IL1RAPL2: variants seen among roughly 807,000 people sequenced by gnomAD.
IL1RAPL2 encodes the protein interleukin 1 receptor accessory protein like 2.
IL1RAPL2 carries 3 observed loss-of-function variants against 44.1 expected under a neutral mutation model. The observed-to-expected ratio is 0.07, with a 90% CI of 0.03 to 0.18. The LOEUF (loss-of-function observed/expected upper bound fraction) is 0.18. Among genes scored for constraint, IL1RAPL2 ranks in the 10% least tolerant of loss-of-function variants. IL1RAPL2 has a pLI of 1.00. For synonymous variants in IL1RAPL2, 181 were observed against 178.8 expected (o/e 1.01, Z -0.10); for missense variants, 391 against 496.4 (o/e 0.79, Z 2.02).
chrX:104,620,863 T>A (rs1929381102), intron 1 of IL1RAPL2, among the ~76,000 whole-genome samples: 1 of 104,461 alleles, frequency 9.6e-6, no homozygotes, highest in Non-Finnish European at 1.9e-5. Context: ...TCTCAAGAGA[T>A]TCTGCCTGGG....
chrX:105,263,592 G>A (rs1034354909), intron 4 of IL1RAPL2, among the ~76,000 whole-genome samples: 5 of 111,683 alleles, frequency 4.5e-5, no homozygotes, highest in Non-Finnish European at 7.5e-5. Context: ...AGGGTTCTTA[G>A]TAAACAGATA....
intron 2 of IL1RAPL2, among the ~76,000 whole-genome samples, chrX:105,146,214 C>G (rs2033177913): frequency 9.0e-6 from 1 of 111,452 alleles, no homozygotes; most frequent in Admixed American, 9.6e-5. Flanking sequence ...CTAAATATAT[C>G]CTACTCTGCT....
chrX:105,229,665 A>G (rs2034050095), intron 3 of IL1RAPL2, among the ~76,000 whole-genome samples: 1 of 111,898 alleles, frequency 8.9e-6, no homozygotes, highest in Non-Finnish European at 1.9e-5. Context: ...CGTTGTTTAT[A>G]CTTTGGAGAG....
Position 104,672,029 on chromosome X carries a change from G to A in IL1RAPL2, c.82+13034G>A, listed in dbSNP as rs765960577. On this transcript the variant is annotated intron_variant, in intron 2 of 10. Coordinates refer to ENST00000372582, the MANE Select transcript of IL1RAPL2 (RefSeq NM_017416.2). ...GTGGTCAGTGACTTGGCTTATTTAG[G>A]ATTCATGTGGTATGAACTAGCTAAG... Among the ~76,000 whole-genome samples the A allele has an allele frequency of 6.3e-5, 7 of 111,728 alleles. No homozygotes were observed. In the East Asian group the frequency reaches 2.0e-3, roughly 32 times the overall value.
chrX:105,096,890 CTT>C (rs1250627190), intron 2 of IL1RAPL2, among the ~76,000 whole-genome samples: 1 of 111,606 alleles, frequency 9.0e-6, no homozygotes, highest in African/African-American at 3.3e-5. Flanking sequence ...CCAAAAAGCA[CTT>C]TGAGAAAAAA....
chrX:105,243,547 GTA>G (rs1280916021), intron 4 of IL1RAPL2, among the ~76,000 whole-genome samples: 59 of 68,921 alleles, frequency 8.6e-4, no homozygotes, highest in Admixed American at 2.1e-3. Flanking sequence ...ATATATGTGT[GTA>G]TATATATATA....
At chrX:105,419,698 G>T (rs1349520839) in intron 5 of IL1RAPL2, among the ~76,000 whole-genome samples, 2 of 112,020 alleles carry the variant, frequency 1.8e-5, no homozygotes, top group Non-Finnish European at 3.8e-5. Context: ...ATATTCTTTT[G>T]CTGACAGCTT....
intron 4 of IL1RAPL2, among the ~76,000 whole-genome samples, chrX:105,257,910 G>A (rs756109293): frequency 1.4e-4 from 16 of 111,430 alleles, no homozygotes; most frequent in Non-Finnish European, 2.1e-4. Context: ...TTTTAAGTAA[G>A]GCATTTAGCT....
At chrX:104,919,294 C>T (rs1334393272) in intron 2 of IL1RAPL2, among the ~76,000 whole-genome samples, 15 of 103,712 alleles carry the variant, frequency 1.4e-4, no homozygotes, top group African/African-American at 3.6e-4. Flanking sequence ...GGCGTGATCT[C>T]GGCTCACTGC....
At chrX:104,668,326 T>G (rs374971548) in intron 2 of IL1RAPL2, among the ~76,000 whole-genome samples, 57 of 102,529 alleles carry the variant, frequency 5.6e-4, no homozygotes, top group African/African-American at 2.0e-3. Context: ...TTTATTTTTA[T>G]TTTTTTATTA....
At chrX:105,290,726 A>G (rs2147668656) in intron 5 of IL1RAPL2, among the ~76,000 whole-genome samples, 1 of 111,535 alleles carries the variant, frequency 9.0e-6, no homozygotes, top group South Asian at 3.7e-4. Flanking sequence ...CTCCTAGGTT[A>G]TCAAAGTTAC....
chrX:105,256,334 C>CTTTT (rs35418392), intron 4 of IL1RAPL2, among the ~76,000 whole-genome samples: 18 of 100,592 alleles, frequency 1.8e-4, no homozygotes, highest in Non-Finnish European at 3.0e-4. Flanking sequence ...AATTTTTTTT[C>CTTTT]TTTTTTTTTT....
chrX:104,757,020 T>C (rs1484128504), intron 2 of IL1RAPL2, among the ~76,000 whole-genome samples: 2 of 110,623 alleles, frequency 1.8e-5, no homozygotes, highest in African/African-American at 6.6e-5. Flanking sequence ...ATCTTGGTCT[T>C]CTATCCAAGA....
intron 2 of IL1RAPL2, among the ~76,000 whole-genome samples, chrX:104,904,226 TA>T (rs1923905863): frequency 3.3e-5 from 1 of 30,325 alleles, no homozygotes; most frequent in African/African-American, 4.5e-4. Flanking sequence ...TATCTTCTTT[TA>T]TATATATATA....
At chrX:105,568,436 T>C (rs2036990679) in intron 6 of IL1RAPL2, among the ~76,000 whole-genome samples, 1 of 112,007 alleles carries the variant, frequency 8.9e-6, no homozygotes, top group African/African-American at 3.2e-5. Flanking sequence ...TAACTTCCCT[T>C]TACTTTAACA....
intron 2 of IL1RAPL2, among the ~76,000 whole-genome samples, chrX:105,054,264 G>C (rs1361968652): frequency 9.0e-6 from 1 of 111,202 alleles, no homozygotes; most frequent in Non-Finnish European, 1.9e-5. Context: ...AACCCACATA[G>C]ATATGGGGAG....
intron 6 of IL1RAPL2, among the ~76,000 whole-genome samples, chrX:105,508,503 T>C (rs769671618): frequency 9.0e-6 from 1 of 110,655 alleles, no homozygotes; most frequent in South Asian, 3.9e-4. Flanking sequence ...ATACTGCTAC[T>C]TGAATATCAT....
intron 5 of IL1RAPL2, among the ~76,000 whole-genome samples, chrX:105,292,430 T>A (rs947444377): frequency 2.2e-4 from 25 of 112,099 alleles, no homozygotes; most frequent in African/African-American, 7.8e-4. Flanking sequence ...CATCCACACT[T>A]TTTTGAAAAG....
intron 4 of IL1RAPL2, among the ~76,000 whole-genome samples, chrX:105,249,963 T>A (rs5962268): frequency 0.21 from 23,503 of 110,925 alleles, 5,101 homozygotes; most frequent in African/African-American, 0.67. Context: ...CAAGTCCTTC[T>A]TCCTTTGTGA....
Sources: allele counts gnomAD v4.1 joint callset (sites outside exome capture counted in the v4.1 genomes callset), GRCh38; gene constraint gnomAD v4.1.1; transcripts MANE v1.5; gene names NCBI Gene and HGNC (gene_info 2026-07-23, HGNC 2026-07-21).